Variants in CDYL2 observed in about 807,000 individuals in gnomAD.
CDYL2 encodes the protein chromodomain Y like 2.
A neutral mutation model predicts 49.4 loss-of-function variants in CDYL2; 23 were observed. The observed-to-expected ratio is 0.47, with a 90% CI of 0.34 to 0.66. The LOEUF is 0.66. Ranked by LOEUF, CDYL2 falls within the 30% of genes least tolerant of loss-of-function variation. CDYL2 has a pLI of 0.01. For synonymous variants in CDYL2, 360 were observed against 268.8 expected, an observed-to-expected ratio of 1.34 and a Z score of -3.32; for missense variants, 678 against 656.4, an observed-to-expected ratio of 1.03 and a Z score of -0.36.
chr16:80,802,309 C>G (rs1278873166), intron 1 of CDYL2, among the ~76,000 whole-genome samples: 1 of 152,212 alleles, frequency 6.6e-6, no homozygotes, highest in Non-Finnish European at 1.5e-5. Flanking sequence ...TAAGCTGACT[C>G]AACCTCAATT....
chr16:80,618,763 C>G (rs1053816169), intron 4 of CDYL2, among the ~76,000 whole-genome samples: 42 of 152,318 alleles, frequency 2.8e-4, no homozygotes, highest in African/African-American at 9.4e-4. Context: ...TTAACAGACC[C>G]CATCCAGCAA....
chr16:80,646,271 T>C (rs1205911496), intron 2 of CDYL2, among the ~76,000 whole-genome samples: 1 of 151,794 alleles, frequency 6.6e-6, no homozygotes, highest in Non-Finnish European at 1.5e-5. Context: ...CCAAAAAATA[T>C]ATAATGAATA....
chr16:80,798,339 G>C (rs938736099), intron 1 of CDYL2, among the ~76,000 whole-genome samples: 2 of 152,148 alleles, frequency 1.3e-5, no homozygotes, highest in South Asian at 2.1e-4. Context: ...CACAGTGCCC[G>C]GCCTGTGCAG....
At chr16:80,687,130 T>C (rs1910226789) in intron 1 of CDYL2, among the ~76,000 whole-genome samples, 3 of 152,208 alleles carry the variant, frequency 2.0e-5, no homozygotes, top group Admixed American at 6.5e-5. Flanking sequence ...ACAGGTTTAC[T>C]GAGGGAGGAA....
At chr16:80,796,354 G>C (rs1907768062) in intron 1 of CDYL2, among the ~76,000 whole-genome samples, 1 of 152,154 alleles carries the variant, frequency 6.6e-6, no homozygotes, top group African/African-American at 2.4e-5. Context: ...GCAACACCTA[G>C]ATTTTGACTG....
At position 80,779,501 on chromosome 16, in the gene CDYL2, A is replaced by C. The variant is rs28538723; in HGVS notation, c.24+24649T>G. ...CTTTACCAAGGGCATACTCATTGAC[A>C]TTCCACATCTAGAAATTTATCATAA... On this transcript the variant is annotated intron_variant, in intron 1 of 6. Transcript: ENST00000570137. Among the ~76,000 whole-genome samples the C allele has an allele frequency of 6.7e-3, 1,017 of 152,232 alleles. 8 individuals are homozygous for C. The highest frequency in any genetic ancestry group is 0.023 in the African/African-American group (975 of 41,562).
At chr16:80,672,535 A>G (rs184886863) in intron 2 of CDYL2, among the ~76,000 whole-genome samples, 76 of 46,324 alleles carry the variant, frequency 1.6e-3, no homozygotes, top group Non-Finnish European at 2.2e-3. Flanking sequence ...AAGGAAAAGG[A>G]AAAGGAAAGG....
At position 80,677,754 on chromosome 16, in the gene CDYL2, A is replaced by T. The variant is rs967850209; in HGVS notation, c.616+6784T>A. On this transcript the variant is annotated intron_variant, in intron 2 of 6. Transcript: ENST00000570137. ...ACTCCATCTCAAAAAAATAAAAATA[A>T]AAATAAAAATAAATAAATAAATAAC... Among the ~76,000 whole-genome samples, 432 of 151,542 alleles carry T rather than the reference A, an allele frequency of 2.9e-3. 8 individuals are homozygous for T. The highest frequency in any genetic ancestry group is 1.7e-3 in the East Asian group (9 of 5,172).
At chr16:80,642,743 C>A (rs138580583) in intron 2 of CDYL2, among the ~76,000 whole-genome samples, 1 of 152,152 alleles carries the variant, frequency 6.6e-6, no homozygotes, top group Non-Finnish European at 1.5e-5. Context: ...ATAAAACCAT[C>A]AGATCTCATG....
At position 80,615,491 on chromosome 16, in the gene CDYL2, T is replaced by C. The variant is rs182602428; in HGVS notation, c.1008-2655A>G. 3.6e-3 allele frequency among the ~76,000 whole-genome samples: 547 copies of C among 152,146 alleles called. 4 individuals carry two copies. Among genetic ancestry groups the C allele is most frequent in the African/African-American group, 0.012 (515 of 41,510 alleles). ...TCCATAACATTCCAACGATGCATCATTCCGCCTCTGCTGGACGTTTTTAAT... is the reference window on the plus strand; with the variant it reads ...TCCATAACATTCCAACGATGCATCACTCCGCCTCTGCTGGACGTTTTTAAT... On this transcript the variant is annotated intron_variant, in intron 4 of 6. Transcript: ENST00000570137.
At position 80,609,445 on chromosome 16, in the gene CDYL2, A is replaced by T. The variant is rs963746548; in HGVS notation, c.1219-1210T>A. On this transcript the variant is annotated intron_variant, in intron 5 of 6. Transcript: ENST00000570137. Reference sequence around the variant, plus strand: ...TGTCACTGATGGTTCGTGATGACCCAGAGGACAATCTTTCACGCCAGAGTA... The same window carrying T: ...TGTCACTGATGGTTCGTGATGACCCTGAGGACAATCTTTCACGCCAGAGTA... Among the ~76,000 whole-genome samples the T allele has an allele frequency of 6.6e-5, 10 of 152,316 alleles. No individual in the cohort carries two copies. The East Asian group carries it at 1.9e-3, about 29-fold the overall frequency.
intron 4 of CDYL2, among the ~76,000 whole-genome samples, chr16:80,618,412 G>T (rs1021343733): frequency 2.0e-5 from 3 of 152,218 alleles, no homozygotes; most frequent in Non-Finnish European, 4.4e-5. Context: ...AGAGGCTATG[G>T]GGACAGGAGA....
At chr16:80,649,828 C>A (rs945677571) in intron 2 of CDYL2, among the ~76,000 whole-genome samples, 6 of 152,012 alleles carry the variant, frequency 3.9e-5, no homozygotes, top group African/African-American at 1.4e-4. Context: ...TACAGTGAAC[C>A]CATTTTAGAC....
At chr16:80,652,100 G>A (rs142826514) in intron 2 of CDYL2, among the ~76,000 whole-genome samples, 280 of 152,298 alleles carry the variant, frequency 1.8e-3, no homozygotes, top group African/African-American at 6.4e-3. Flanking sequence ...TGCTCTCTCA[G>A]CTGAGAGGGC....
chr16:80,623,533 C>G (rs777763403), intron 3 of CDYL2, among the ~76,000 whole-genome samples: 9 of 152,144 alleles, frequency 5.9e-5, no homozygotes, highest in Non-Finnish European at 1.2e-4. Context: ...TAGGAGCTGC[C>G]TAGAAATGCA....
chr16:80,708,911 T>C (rs549368498), intron 1 of CDYL2, among the ~76,000 whole-genome samples: 13 of 152,212 alleles, frequency 8.5e-5, no homozygotes, highest in Admixed American at 7.2e-4. Flanking sequence ...TTTAAAGATA[T>C]AAAAAATTGC....
At chr16:80,681,804 T>C (rs751332848) in intron 2 of CDYL2, among the ~76,000 whole-genome samples, 1 of 152,218 alleles carries the variant, frequency 6.6e-6, no homozygotes, top group South Asian at 2.1e-4. Flanking sequence ...GCATTCCAAC[T>C]TCCTGGCAAG....
At chr16:80,719,927 C>G (rs1034365767) in intron 1 of CDYL2, among the ~76,000 whole-genome samples, 9 of 152,202 alleles carry the variant, frequency 5.9e-5, no homozygotes, top group Non-Finnish European at 1.0e-4. Context: ...AGGCCAAAGG[C>G]CCTCCTCTGT....
intron 1 of CDYL2, among the ~76,000 whole-genome samples, chr16:80,773,587 T>G (rs1433900660): frequency 6.6e-6 from 1 of 152,162 alleles, no homozygotes; most frequent in African/African-American, 2.4e-5. Context: ...TGATACATCT[T>G]AAAGTTAAAT....
Sources: gnomAD v4.1 joint callset for allele counts (sites outside exome capture counted in the v4.1 genomes callset) on GRCh38, gnomAD v4.1.1 for gene constraint, MANE v1.5 for transcripts, NCBI Gene and HGNC (gene_info 2026-07-23, HGNC 2026-07-21) for gene names.